Variants in GSKIP observed in about 807,000 individuals in gnomAD.
GSKIP encodes GSK3B interacting protein, also known as GSK3B-interacting protein.
A neutral mutation model predicts 11.9 loss-of-function variants in GSKIP; 5 were observed. The observed-to-expected ratio is 0.42, with a 90% CI of 0.22 to 0.89. The LOEUF is 0.89. Among genes scored for constraint, GSKIP ranks in the 40% least tolerant of loss-of-function variants. GSKIP has a pLI of 0.29. For missense variants in GSKIP, 150 were observed against 166.6 expected (o/e 0.90, Z 0.55); for synonymous variants, 70 against 62.9 (o/e 1.11, Z -0.54).
chr14:96,367,638 A>C (rs1477072464), intron 1 of GSKIP, among the ~76,000 whole-genome samples: 1 of 152,224 alleles, frequency 6.6e-6, no homozygotes, highest in Non-Finnish European at 1.5e-5. Context: ...ACTCGTAATG[A>C]AACAAAATAG....
At chr14:96,370,796 G>A (rs1354147559) in intron 1 of GSKIP, among the ~76,000 whole-genome samples, 1 of 152,148 alleles carries the variant, frequency 6.6e-6, no homozygotes, top group Non-Finnish European at 1.5e-5. Flanking sequence ...GGAACGATGA[G>A]CCAAATAAAC....
At chr14:96,370,169 A>G (rs1889004909) in intron 1 of GSKIP, among the ~76,000 whole-genome samples, 1 of 152,220 alleles carries the variant, frequency 6.6e-6, no homozygotes, top group African/African-American at 2.4e-5. Context: ...GCATTTATCC[A>G]ATGACTTTTC....
chr14:96,373,289 G>A (rs1889106045), intron 1 of GSKIP, among the ~76,000 whole-genome samples: 1 of 148,770 alleles, frequency 6.7e-6, no homozygotes, highest in African/African-American at 2.5e-5. Context: ...TTCTGAAGCA[G>A]AGGTGATATG....
chr14:96,376,598 A>T (rs569080076), intron 1 of GSKIP, among the ~76,000 whole-genome samples: 2 of 152,224 alleles, frequency 1.3e-5, no homozygotes, highest in Non-Finnish European at 2.9e-5. Context: ...GGTTCATACA[A>T]GTTTAGTGAT....
chr14:96,373,813 T>C (rs554190393), intron 1 of GSKIP, among the ~76,000 whole-genome samples: 105 of 152,322 alleles, frequency 6.9e-4, no homozygotes, highest in Non-Finnish European at 1.0e-3. Flanking sequence ...TCAAGCTGTT[T>C]CCAGATAACT....
rs1314136028 is a variant in GSKIP at position 96,385,727 on chromosome 14, G to GT, written c.*45dup. Reference sequence around the variant, plus strand: ...AGAGGGGCTGGTGCTGGTACAGAATGTTGATATAAAGCTTAAAATTCTTGC... The same window carrying GT: ...AGAGGGGCTGGTGCTGGTACAGAATGTTTGATATAAAGCTTAAAATTCTTGC... On this transcript the variant is annotated 3_prime_UTR_variant, in exon 4 of 4. Coordinates refer to ENST00000555181, the MANE Select transcript of GSKIP (RefSeq NM_016472.5). 1.1e-5 allele frequency: 16 copies of GT among 1,521,674 alleles called. No individual in the cohort carries two copies. The East Asian group carries it at 3.7e-4, about 35-fold the overall frequency. The allele number at this position is 1,521,674 out of a possible 1,614,324, so 94.3% of individuals were successfully genotyped here. A position where few individuals can be genotyped will look rare whatever the true frequency, so the allele number is the denominator to read the frequency against.
At chr14:96,371,596 C>CA (rs1344420947) in intron 1 of GSKIP, among the ~76,000 whole-genome samples, 2 of 152,060 alleles carry the variant, frequency 1.3e-5, no homozygotes, top group Non-Finnish European at 2.9e-5. Flanking sequence ...AGGCACGTGC[C>CA]ACCACACCTG....
chr14:96,364,492 A>G (rs1252809678), intron 1 of GSKIP: 1 of 152,248 alleles, frequency 6.6e-6, no homozygotes, highest in East Asian at 1.9e-4. Context: ...TTAAGGAGTG[A>G]AATGTTTACT....
At chr14:96,372,843 C>T (rs933866218) in intron 1 of GSKIP, among the ~76,000 whole-genome samples, 1 of 152,178 alleles carries the variant, frequency 6.6e-6, no homozygotes. Context: ...AAAGCAAGGA[C>T]TGTGAGGATA....
intron 1 of GSKIP, among the ~76,000 whole-genome samples, chr14:96,374,840 G>T (rs907396711): frequency 9.9e-5 from 15 of 152,132 alleles, no homozygotes; most frequent in African/African-American, 3.6e-4. Flanking sequence ...AGTTATTCAG[G>T]CAGAAGGAAA....
In GSKIP at chr14:96,385,586, T is replaced by A. The variant is rs778275720; in HGVS notation, c.322T>A (p.Tyr108Asn). 1 of 1,613,098 alleles carries A rather than the reference T, an allele frequency of 6.2e-7. No homozygotes were observed. Among genetic ancestry groups the A allele is most frequent in the South Asian group, 1.1e-5 (1 of 91,052 alleles). ...ACAGACTCCCTACCATGAAACAGTC[T>A]ACTCCTTGTTGGATACACTCAGCCC... The part of the protein sequence containing the change: ...HLQTPYHETV[Y>N]SLLDTLSPAY... The change falls in exon 4 of 4, where the codon TAC (tyrosine) becomes AAC (asparagine). Residue 108 changes from tyrosine (Y) to asparagine (N), a missense_variant. By Grantham distance (143) the Tyr-to-Asn change is moderately radical (BLOSUM62 -2). Transcript: ENST00000555181.
chr14:96,372,707 G>A (rs1446794647), intron 1 of GSKIP, among the ~76,000 whole-genome samples: 2 of 152,180 alleles, frequency 1.3e-5, no homozygotes, highest in Admixed American at 6.5e-5. Context: ...CTAGAGCCAG[G>A]CATGGCACTG....
In GSKIP at chr14:96,387,259, G is replaced by A. The variant is rs567867357; in HGVS notation, c.*1575G>A. 2.0e-5 allele frequency: 3 copies of A among 152,276 alleles called. No individual in the cohort carries two copies. The highest frequency in any genetic ancestry group is 4.4e-5 in the Non-Finnish European group (3 of 68,010). The allele number at this position is 152,276 out of a possible 1,614,324, so 9.4% of individuals were successfully genotyped here. On this transcript the variant is annotated 3_prime_UTR_variant, in exon 4 of 4. Coordinates refer to ENST00000555181, the MANE Select transcript of GSKIP (RefSeq NM_016472.5). ...GATTGTATGTTTAAGAATTGAAATTGTTCATTTTGTGATAAATGATTAATT... is the reference window on the plus strand; with the variant it reads ...GATTGTATGTTTAAGAATTGAAATTATTCATTTTGTGATAAATGATTAATT...
chr14:96,364,268 A>C (rs1047053591), intron 1 of GSKIP: 1 of 152,226 alleles, frequency 6.6e-6, no homozygotes, highest in Non-Finnish European at 1.5e-5. Flanking sequence ...GTCCTTCGTT[A>C]GAATCCCGGC....
At chr14:96,372,401 G>A (rs1321642620) in intron 1 of GSKIP, among the ~76,000 whole-genome samples, 3 of 152,230 alleles carry the variant, frequency 2.0e-5, no homozygotes, top group Non-Finnish European at 2.9e-5. Flanking sequence ...TACCAAAGCA[G>A]AGATGCTGTT....
At chr14:96,374,924 A>G (rs1307441602) in intron 1 of GSKIP, among the ~76,000 whole-genome samples, 4 of 151,842 alleles carry the variant, frequency 2.6e-5, no homozygotes, top group African/African-American at 9.7e-5. Flanking sequence ...TATATATTAC[A>G]TATAAAAAGA....
At chr14:96,377,510 T>C (rs936021187) in intron 1 of GSKIP, among the ~76,000 whole-genome samples, 3 of 152,252 alleles carry the variant, frequency 2.0e-5, no homozygotes, top group African/African-American at 4.8e-5. Context: ...AAAATATATC[T>C]ATATTCCATC....
rs189604364 is a variant in GSKIP, at chr14:96,369,379, A to G, written c.-103+5811A>G. 3.9e-3 allele frequency among the ~76,000 whole-genome samples: 590 copies of G among 152,360 alleles called. 6 individuals carry two copies. The highest frequency in any genetic ancestry group is 0.013 in the African/African-American group (545 of 41,586). On this transcript the variant is annotated intron_variant, in intron 1 of 3. Transcript: ENST00000555181. ...AAGAGCATTTTCAGGAGAAGAATCC[A>G]GTTAGTTCAGATAAAAGGGAGCCAG...
intron 1 of GSKIP, among the ~76,000 whole-genome samples, chr14:96,372,973 G>A (rs1889091540): frequency 6.6e-6 from 1 of 152,192 alleles, no homozygotes; most frequent in African/African-American, 2.4e-5. Context: ...GCTCACGCCT[G>A]TAATCCCAAC....
Sources: gnomAD v4.1 joint callset for allele counts (sites outside exome capture counted in the v4.1 genomes callset) on GRCh38, gnomAD v4.1.1 for gene constraint, MANE v1.5 for transcripts, NCBI Gene and HGNC (gene_info 2026-07-23, HGNC 2026-07-21) for gene names.